Variants in PIP5K1B observed in about 807,000 individuals in gnomAD.
PIP5K1B encodes phosphatidylinositol 4-phosphate 5-kinase type-1 beta.
Under a neutral mutation model 67.0 loss-of-function variants are expected in PIP5K1B, and 42 were observed. The ratio of observed to expected loss-of-function variants is 0.63; its 90% confidence interval spans 0.49 to 0.81. PIP5K1B has a LOEUF of 0.81. Ranked by LOEUF, PIP5K1B falls within the 30% of genes least tolerant of loss-of-function variation. The probability of loss-of-function intolerance (pLI) is 0.00; values close to 1 mark genes in which losing one functional copy is unlikely to be tolerated. For missense variants in PIP5K1B, 459 were observed against 646.3 expected (o/e 0.71, Z 3.14); for synonymous variants, 214 against 231.4 (o/e 0.92, Z 0.68).
intron 6 of PIP5K1B, among the ~76,000 whole-genome samples, chr9:68,887,848 C>T (rs1824557470): frequency 6.6e-6 from 1 of 152,094 alleles, no homozygotes; most frequent in Admixed American, 6.6e-5. Flanking sequence ...AATAATGCTT[C>T]CATTCTCTAA....
chr9:68,892,073 G>A (rs1301051379), intron 7 of PIP5K1B, among the ~76,000 whole-genome samples: 1 of 152,072 alleles, frequency 6.6e-6, no homozygotes. Flanking sequence ...ACTACAAAAC[G>A]TTATTGAAGG....
chr9:68,773,217 C>T (rs528627667), intron 2 of PIP5K1B, among the ~76,000 whole-genome samples: 13 of 152,298 alleles, frequency 8.5e-5, no homozygotes, highest in South Asian at 2.1e-4. Flanking sequence ...ATACATTATC[C>T]ATAAAGCCAT....
At chr9:68,952,074 G>T (rs1296509256) in intron 14 of PIP5K1B, among the ~76,000 whole-genome samples, 2 of 151,922 alleles carry the variant, frequency 1.3e-5, no homozygotes, top group African/African-American at 4.8e-5. Context: ...CATCTTGACT[G>T]TAGTCCGATC....
intron 8 of PIP5K1B, among the ~76,000 whole-genome samples, chr9:68,910,826 A>G (rs1376287077): frequency 6.6e-6 from 1 of 152,242 alleles, no homozygotes; most frequent in Non-Finnish European, 1.5e-5. Flanking sequence ...AAGAAACGAC[A>G]TGAGCAGAAG....
chr9:68,933,398 G>A (rs1204406621), intron 12 of PIP5K1B, among the ~76,000 whole-genome samples: 1 of 152,182 alleles, frequency 6.6e-6, no homozygotes, highest in Non-Finnish European at 1.5e-5. Context: ...GTTTGAGAGA[G>A]TGGAGAATTA....
At chr9:68,967,649 C>T (rs929675744) in intron 14 of PIP5K1B, among the ~76,000 whole-genome samples, 2 of 152,188 alleles carry the variant, frequency 1.3e-5, no homozygotes, top group Non-Finnish European at 2.9e-5. Context: ...GAGAATCCAG[C>T]AGTTCAGGGA....
At chr9:68,756,988 T>G (rs1829958249) in intron 2 of PIP5K1B, among the ~76,000 whole-genome samples, 1 of 152,208 alleles carries the variant, frequency 6.6e-6, no homozygotes, top group Non-Finnish European at 1.5e-5. Flanking sequence ...TATTTTATAC[T>G]TATAGCACAT....
intron 6 of PIP5K1B, among the ~76,000 whole-genome samples, chr9:68,880,288 C>T (rs1587606714): frequency 6.6e-6 from 1 of 152,164 alleles, no homozygotes; most frequent in East Asian, 1.9e-4. Flanking sequence ...TGTGGTGGCT[C>T]ACGCCTGTAA....
intron 2 of PIP5K1B, among the ~76,000 whole-genome samples, chr9:68,748,662 C>A (rs1321155347): frequency 7.3e-6 from 1 of 136,248 alleles, no homozygotes; most frequent in African/African-American, 2.9e-5. Flanking sequence ...ACTCTTGTTG[C>A]CCAGGCTGGA....
intron 8 of PIP5K1B, among the ~76,000 whole-genome samples, chr9:68,898,191 T>G (rs1056135053): frequency 4.6e-5 from 7 of 152,172 alleles, no homozygotes; most frequent in African/African-American, 1.7e-4. Flanking sequence ...AAAACTGATC[T>G]TCTTTTATGC....
intron 15 of PIP5K1B, among the ~76,000 whole-genome samples, chr9:69,001,872 A>G (rs1269209437): frequency 2.6e-5 from 4 of 152,242 alleles, no homozygotes; most frequent in Non-Finnish European, 5.9e-5. Context: ...GTCCACCAGT[A>G]TAAATCACTG....
chr9:68,988,436 T>G (rs1362274832), intron 14 of PIP5K1B, among the ~76,000 whole-genome samples: 1 of 144,560 alleles, frequency 6.9e-6, no homozygotes, highest in Non-Finnish European at 1.5e-5. Context: ...CTTAGTTGTT[T>G]TTTTGGGGTT....
rs1256014130 is a variant in PIP5K1B, at chr9:69,001,107, A to G, written c.1621-7340A>G. On this transcript the variant is annotated intron_variant, in intron 15 of 15. Transcript: ENST00000265382. ...TTTTTTGTAATGACAGGGTTTCAGC[A>G]TGTGGGCCAGGCTGGTCTCGAACTC... 2.0e-5 allele frequency among the ~76,000 whole-genome samples: 3 copies of G among 151,560 alleles called. No homozygotes were observed. The East Asian group carries it at 5.8e-4, about 29-fold the overall frequency.
chr9:68,880,556 AACACACACACAC>A (rs35017818), intron 6 of PIP5K1B, among the ~76,000 whole-genome samples: 3 of 118,690 alleles, frequency 2.5e-5, no homozygotes, highest in East Asian at 4.2e-4. Flanking sequence ...CTGCATCTGA[AACACACACACAC>A]ACACACACAC....
intron 4 of PIP5K1B, among the ~76,000 whole-genome samples, chr9:68,845,387 C>T (rs1472635789): frequency 1.3e-5 from 2 of 151,888 alleles, no homozygotes; most frequent in Non-Finnish European, 2.9e-5. Context: ...GCCGTGGAGC[C>T]GTGGGGGTTC....
At chr9:68,863,360 ATT>A (rs1823198834) in intron 4 of PIP5K1B, among the ~76,000 whole-genome samples, 1 of 152,142 alleles carries the variant, frequency 6.6e-6, no homozygotes, top group Non-Finnish European at 1.5e-5. Context: ...TTATTCTGTT[ATT>A]TCTCCTATTA....
At chr9:68,803,047 AAGACTC>A (rs1832687495) in intron 2 of PIP5K1B, among the ~76,000 whole-genome samples, 2 of 152,186 alleles carry the variant, frequency 1.3e-5, no homozygotes, top group Admixed American at 6.5e-5. Context: ...AATGCAGAGA[AAGACTC>A]AGAGTCAAGG....
At chr9:68,746,157 C>A (rs112430637) in intron 2 of PIP5K1B, among the ~76,000 whole-genome samples, 18,464 of 147,940 alleles carry the variant, frequency 0.12, 1,217 homozygotes, top group Non-Finnish European at 0.16. Flanking sequence ...CGGCTCACTG[C>A]AACCTCCACC....
At chr9:68,896,887 A>G (rs547829247) in intron 8 of PIP5K1B, among the ~76,000 whole-genome samples, 4 of 152,300 alleles carry the variant, frequency 2.6e-5, no homozygotes, top group Admixed American at 6.5e-5. Flanking sequence ...AAAAATGCCC[A>G]TCCTCGTGAT....
Sources: allele counts gnomAD v4.1 joint callset (sites outside exome capture counted in the v4.1 genomes callset), GRCh38; gene constraint gnomAD v4.1.1; transcripts MANE v1.5; gene names NCBI Gene and HGNC (gene_info 2026-07-23, HGNC 2026-07-21).